EPRS1: variants seen among roughly 807,000 people sequenced by gnomAD.
The protein encoded by EPRS1 is bifunctional glutamate/proline--tRNA ligase.
A neutral mutation model predicts 188.3 loss-of-function variants in EPRS1; 107 were observed. The observed-to-expected ratio is 0.57, with a 90% confidence interval of 0.49 to 0.67. EPRS1 has a LOEUF of 0.67. Among genes scored for constraint, EPRS1 ranks in the 30% least tolerant of loss-of-function variants. The pLI is 0.00. For missense variants in EPRS1, 1,577 were observed against 1,802.2 expected (o/e 0.88, Z 2.26); for synonymous variants, 596 against 593.1 (o/e 1.00, Z -0.07).
chr1:219,970,636 C>T (rs114383051), intron 30 of EPRS1, among the ~76,000 whole-genome samples: 22,836 of 151,776 alleles, frequency 0.15, 2,105 homozygotes, highest in Admixed American at 0.22. Flanking sequence ...AAATTAGCTG[C>T]GTGTCATGGC....
chr1:220,014,544 A>G (rs1661664168), intron 12 of EPRS1, among the ~76,000 whole-genome samples: 1 of 152,208 alleles, frequency 6.6e-6, no homozygotes, highest in South Asian at 2.1e-4. Context: ...GAATAAGTGA[A>G]TGTATGATAG....
At chr1:219,981,005 T>G (rs934080594) in intron 24 of EPRS1, 148 bp from the exon 25 acceptor site, 6 of 601,958 alleles carry the variant, frequency 1.0e-5, no homozygotes, top group Non-Finnish European at 1.2e-5. Flanking sequence ...GCTCAAATGA[T>G]CCTTCTACCT....
chr1:220,044,825 G>T (rs528992188), intron 1 of EPRS1, among the ~76,000 whole-genome samples: 34 of 151,504 alleles, frequency 2.2e-4, no homozygotes, highest in Non-Finnish European at 4.3e-4. Flanking sequence ...AGCTAAATAA[G>T]GAACTTGTCA....
chr1:219,995,382 T>C (rs530970195), intron 18 of EPRS1, among the ~76,000 whole-genome samples: 1 of 152,346 alleles, frequency 6.6e-6, no homozygotes, highest in Non-Finnish European at 1.5e-5. Flanking sequence ...AATCTCAATA[T>C]ATTCTACTTA....
At position 220,034,028 on chromosome 1, in the gene EPRS1, A is replaced by G. The variant is rs934949929; in HGVS notation, c.232-370T>C. 1.2e-4 allele frequency among the ~76,000 whole-genome samples: 18 copies of G among 152,142 alleles called. No individual in the cohort carries two copies. The East Asian group carries it at 3.3e-3, about 28-fold the overall frequency. On this transcript the variant is annotated intron_variant, in intron 3 of 31. Coordinates refer to ENST00000366923, the MANE Select transcript of EPRS1 (RefSeq NM_004446.3). ...CAGATTCATTTACTTGAAAAATTTA[A>G]AAGTTAGTACTTAGAAACCATTCTG...
chr1:219,968,691 T>C lies in EPRS1; in HGVS notation c.*115A>G. On this transcript the variant is annotated 3_prime_UTR_variant, in exon 32 of 32. Coordinates refer to ENST00000366923, the MANE Select transcript of EPRS1 (RefSeq NM_004446.3). ...ATAAGAATAATTGTCCTGTGTGACT[T>C]CATTTTAGAACTTTTACTTTTTAAA... The C allele has an allele frequency of 9.5e-7, 1 of 1,050,696 alleles. No homozygotes were observed. Among genetic ancestry groups the C allele is most frequent in the Non-Finnish European group, 1.4e-6 (1 of 718,464 alleles). The allele number at this position is 1,050,696 out of a possible 1,614,324, so 65.1% of individuals were successfully genotyped here.
intron 31 of EPRS1, 32 bp from the exon 32 acceptor site, chr1:219,968,988 AT>A: frequency 6.2e-7 from 1 of 1,613,474 alleles, no homozygotes. Flanking sequence ...AATTCCACTC[AT>A]TTATGCTGCA....
rs186607798 is a variant in EPRS1 at position 219,973,339 on chromosome 1, G to A, written c.4143C>T (p.Ala1381=). ...GCTTTTCTCCAGTATCTCGTCTGAC[G>A]GCTACAAACTGACAGCTCTTCATAT... ...PRDMKSCQFV[A]VRRDTGEKLT... The change falls in exon 29 of 32, where the codon GCC becomes GCT. Residue 1381 remains alanine (A), a synonymous_variant. Transcript: ENST00000366923. The A allele has an allele frequency of 1.1e-4, 182 of 1,611,904 alleles. No homozygotes were observed. The highest frequency in any genetic ancestry group is 3.3e-4 in the Middle Eastern group (2 of 6,060).
rs762901426 is a variant in EPRS1, at chr1:219,984,241, T to C, written c.3055A>G (p.Lys1019Glu). 4.0e-5 allele frequency: 65 copies of C among 1,613,380 alleles called. No individual in the cohort carries two copies. Among genetic ancestry groups the C allele is most frequent in the Non-Finnish European group, 5.3e-5 (63 of 1,179,478 alleles). The change falls in exon 21 of 32, where the codon AAA (lysine) becomes GAA (glutamate). Residue 1019 changes from lysine (K) to glutamate (E), a missense_variant. This residue lies in a region of EPRS1 where 1,278 missense variants were observed against 1,457.4 expected (regional missense o/e 0.88). Coordinates refer to ENST00000366923, the MANE Select transcript of EPRS1 (RefSeq NM_004446.3). ...KKQTRLGLEA[K>E]KEENLADWYS... is the part of the protein sequence containing the mutation. ...CAATCAGCAAGATTTTCTTCTTTTTTTGCCTCAAGACCCAACCTGCAGATG... is the reference window on the plus strand; with the variant it reads ...CAATCAGCAAGATTTTCTTCTTTTTCTGCCTCAAGACCCAACCTGCAGATG...
At chr1:220,022,626 CT>C in intron 8 of EPRS1, 108 bp from the exon 9 acceptor site, 1 of 905,192 alleles carries the variant, frequency 1.1e-6, no homozygotes, top group Non-Finnish European at 1.7e-6. Context: ...TATAACCACC[CT>C]GTGTTAGTTT....
chr1:220,007,918 T>C (rs1008470769), intron 13 of EPRS1, among the ~76,000 whole-genome samples: 24 of 152,058 alleles, frequency 1.6e-4, no homozygotes, highest in African/African-American at 4.1e-4. Flanking sequence ...TCATCCTGGC[T>C]AACACGGTGA....
At chr1:219,997,447 GAAACTTT>G in intron 17 of EPRS1, 105 bp from the exon 18 acceptor site, 1 of 1,049,916 alleles carries the variant, frequency 9.5e-7, no homozygotes, top group Non-Finnish European at 1.3e-6. Flanking sequence ...ATTAAAAACA[GAAACTTT>G]AAACTTCAAT....
intron 8 of EPRS1, among the ~76,000 whole-genome samples, chr1:220,023,972 T>C (rs1196085993): frequency 6.6e-6 from 1 of 152,086 alleles, no homozygotes; most frequent in Non-Finnish European, 1.5e-5. Context: ...GCCAATATGG[T>C]GAAACCCCGT....
chr1:219,989,318 G>A (rs1661074637), intron 18 of EPRS1, among the ~76,000 whole-genome samples: 1 of 151,978 alleles, frequency 6.6e-6, no homozygotes, highest in Non-Finnish European at 1.5e-5. Flanking sequence ...GCATGTTGAA[G>A]TTTTTAGACA....
chr1:219,989,095 A>G (rs1431483569), intron 18 of EPRS1, among the ~76,000 whole-genome samples: 3 of 152,194 alleles, frequency 2.0e-5, no homozygotes, highest in African/African-American at 7.2e-5. Context: ...ACATCTAAGT[A>G]AACTGTCAGT....
rs770582116 is a variant in EPRS1, at chr1:219,979,404, A to G, written c.3909+14T>C. The G allele has an allele frequency of 2.0e-5, 31 of 1,579,394 alleles. 1 individual carries two copies. In the South Asian group the frequency reaches 3.2e-4, roughly 16 times the overall value. Reference sequence around the variant, plus strand: ...TTTTATAAAATGAGTGATAAACAGGAATATTTTCCTTACCTGAACACATGC... The same window carrying G: ...TTTTATAAAATGAGTGATAAACAGGGATATTTTCCTTACCTGAACACATGC... On this transcript the variant is annotated intron_variant, in intron 27 of 31. Coordinates refer to ENST00000366923, the MANE Select transcript of EPRS1 (RefSeq NM_004446.3).
intron 18 of EPRS1, among the ~76,000 whole-genome samples, chr1:219,992,205 T>C (rs967322382): frequency 6.6e-6 from 1 of 152,104 alleles, no homozygotes; most frequent in Non-Finnish European, 1.5e-5. Flanking sequence ...GTTTGGGTTT[T>C]AAAAAACAAT....
chr1:220,023,995 T>C (rs1661924135), intron 8 of EPRS1, among the ~76,000 whole-genome samples: 1 of 152,044 alleles, frequency 6.6e-6, no homozygotes, highest in South Asian at 2.1e-4. Context: ...CTACTAAAAA[T>C]ACAAAAATTA....
intron 7 of EPRS1, among the ~76,000 whole-genome samples, chr1:220,024,893 A>T (rs1226372974): frequency 6.6e-6 from 1 of 152,220 alleles, no homozygotes; most frequent in Non-Finnish European, 1.5e-5. Flanking sequence ...ATAAATTGGT[A>T]TTATAGGAAA....
Sources: gnomAD v4.1 joint callset for allele counts (sites outside exome capture counted in the v4.1 genomes callset) on GRCh38, gnomAD v4.1.1 for gene constraint, gnomAD v4.1.1 regional missense constraint, MANE v1.5 for transcripts, NCBI Gene and HGNC (gene_info 2026-07-23, HGNC 2026-07-21) for gene names.